The following ANO10 variants were observed in gnomAD, a reference collection of about 807,000 sequenced individuals.
ANO10 encodes anoctamin 10, also known as anoctamin-10.
Under a neutral mutation model 74.7 loss-of-function variants are expected in ANO10, and 77 were observed. The observed-to-expected ratio is 1.03, with a 90% CI of 0.86 to 1.25. ANO10 has a LOEUF of 1.25. ANO10 is among the 50% of genes most tolerant of loss of function. ANO10 has a pLI of 0.00. For missense variants in ANO10, 721 were observed against 778.1 expected (o/e 0.93, Z 0.87); for synonymous variants, 279 against 284.9 (o/e 0.98, Z 0.21).
In ANO10 at chr3:43,633,104, T is replaced by TA. The variant is rs551575692; in HGVS notation, c.-11-27242dup. 1.1e-4 allele frequency among the ~76,000 whole-genome samples: 17 copies of TA among 152,252 alleles called. No individual in the cohort carries two copies. The South Asian group carries it at 3.3e-3, about 30-fold the overall frequency. ...ATTTTTGATGTTTTCTATTTTGAAA[T>TA]AAAAAACGTAAATTTATTTTCACGT... is the stretch of plus-strand genomic sequence containing the variant. On this transcript the variant is annotated intron_variant, in intron 1 of 3. Coordinates refer to the ANO10 transcript ENST00000413397.
At chr3:43,601,230 G>C (rs2082324797) in intron 2 of ANO10, among the ~76,000 whole-genome samples, 1 of 152,132 alleles carries the variant, frequency 6.6e-6, no homozygotes, top group African/African-American at 2.4e-5. Context: ...TTTTGAGACA[G>C]GGTCTCACTC....
intron 12 of ANO10, among the ~76,000 whole-genome samples, chr3:43,397,858 C>A: frequency 6.6e-6 from 1 of 152,334 alleles, no homozygotes; most frequent in East Asian, 1.9e-4. Flanking sequence ...ATCTCTATCT[C>A]TCAGAGATCA....
At chr3:43,377,903 G>T (rs929108040) in intron 12 of ANO10, among the ~76,000 whole-genome samples, 1 of 152,178 alleles carries the variant, frequency 6.6e-6, no homozygotes, top group African/African-American at 2.4e-5. Context: ...TCTCTAAAAG[G>T]ACCCTGAACT....
chr3:43,434,751 A>G (rs1475167451), intron 11 of ANO10, among the ~76,000 whole-genome samples: 2 of 152,258 alleles, frequency 1.3e-5, no homozygotes, highest in South Asian at 2.1e-4. Context: ...AACAGGTAAC[A>G]GAACAAGTAG....
chr3:43,411,256 A>G (rs958593849), intron 12 of ANO10, among the ~76,000 whole-genome samples: 2 of 152,216 alleles, frequency 1.3e-5, no homozygotes, highest in Non-Finnish European at 2.9e-5. Flanking sequence ...ACTAAGAATC[A>G]GAGCAAGGCA....
chr3:43,455,924 C>T (rs2075104804), intron 11 of ANO10, among the ~76,000 whole-genome samples: 1 of 152,098 alleles, frequency 6.6e-6, no homozygotes, highest in South Asian at 2.1e-4. Context: ...TGCTATTCTA[C>T]AGCAAGTTCA....
At chr3:43,428,949 A>G (rs1188858223) in intron 12 of ANO10, among the ~76,000 whole-genome samples, 6 of 152,134 alleles carry the variant, frequency 3.9e-5, no homozygotes. Flanking sequence ...CACTTTGGAT[A>G]AAGGATACTC....
At chr3:43,407,411 A>T (rs1456068165) in intron 12 of ANO10, among the ~76,000 whole-genome samples, 1 of 152,188 alleles carries the variant, frequency 6.6e-6, no homozygotes, top group Non-Finnish European at 1.5e-5. Context: ...TCGCAGGTGC[A>T]CTAACCCCAA....
In ANO10 at chr3:43,549,726, T is replaced by A. The variant is rs1328950503; in HGVS notation, c.1791A>T (p.Ala597=). Residue 597 remains alanine, a synonymous_variant, in exon 11 of 13, where the codon GCA becomes GCT. Transcript: ENST00000292246. ...SKADLILIVV[A]VEHALLALKF... ...AGTTTAAATCTTTACTTACCTCCAC[T>A]GCTACTACAATCAAAATGAGGTCTG... The A allele has an allele frequency of 6.2e-7, 1 of 1,614,012 alleles. No homozygotes were observed.
At chr3:43,491,919 G>T (rs939210467) in intron 11 of ANO10, among the ~76,000 whole-genome samples, 1 of 151,958 alleles carries the variant, frequency 6.6e-6, no homozygotes, top group Non-Finnish European at 1.5e-5. Context: ...AAAACATAAA[G>T]GTTGGAAGAT....
At chr3:43,487,984 G>C (rs984434606) in intron 11 of ANO10, among the ~76,000 whole-genome samples, 1 of 152,004 alleles carries the variant, frequency 6.6e-6, no homozygotes, top group Non-Finnish European at 1.5e-5. Flanking sequence ...TAGATCAATG[G>C]AACAGAACAG....
chr3:43,543,902 C>A (rs1243857406), intron 11 of ANO10, among the ~76,000 whole-genome samples: 4 of 152,006 alleles, frequency 2.6e-5, no homozygotes, highest in East Asian at 3.9e-4. Context: ...AGAAAAAGAA[C>A]CAAATTTAGT....
At chr3:43,381,887 A>T (rs2125697167) in intron 12 of ANO10, among the ~76,000 whole-genome samples, 1 of 152,352 alleles carries the variant, frequency 6.6e-6, no homozygotes, top group South Asian at 2.1e-4. Flanking sequence ...CCACAGTGGA[A>T]TAAAACTGGA....
chr3:43,471,971 G>A (rs1474707412), intron 11 of ANO10, among the ~76,000 whole-genome samples: 3 of 125,044 alleles, frequency 2.4e-5, no homozygotes, highest in African/African-American at 9.8e-5. Context: ...AAATCACAAA[G>A]GCTGGAAAAA....
intron 1 of ANO10, among the ~76,000 whole-genome samples, chr3:43,687,229 C>T (rs569748210): frequency 1.3e-5 from 2 of 152,292 alleles, no homozygotes; most frequent in Admixed American, 1.3e-4. Context: ...GAGTTTGAGA[C>T]CGGCCTGGGC....
At chr3:43,452,526 C>A (rs187018610) in intron 11 of ANO10, among the ~76,000 whole-genome samples, 120 of 152,228 alleles carry the variant, frequency 7.9e-4, no homozygotes, top group African/African-American at 2.7e-3. Context: ...CTTTTTATTG[C>A]CTAATAATAT....
chr3:43,412,518 G>C (rs1008323765), intron 12 of ANO10, among the ~76,000 whole-genome samples: 6 of 152,222 alleles, frequency 3.9e-5, no homozygotes, highest in Admixed American at 2.6e-4. Context: ...ACCCTGCAAA[G>C]CTGTTCCCAT....
intron 1 of ANO10, among the ~76,000 whole-genome samples, chr3:43,653,586 TGA>T (rs1317713161): frequency 2.6e-5 from 4 of 152,254 alleles, no homozygotes; most frequent in Non-Finnish European, 5.9e-5. Flanking sequence ...ACAAATAATA[TGA>T]GAGATATTCA....
intron 12 of ANO10, among the ~76,000 whole-genome samples, chr3:43,406,692 T>C (rs2092582628): frequency 6.6e-6 from 1 of 152,182 alleles, no homozygotes; most frequent in East Asian, 1.9e-4. Flanking sequence ...GACTGTTTCC[T>C]TTTAGAAAGT....
Sources: allele counts gnomAD v4.1 joint callset (sites outside exome capture counted in the v4.1 genomes callset), GRCh38; gene constraint gnomAD v4.1.1; transcripts MANE v1.5; gene names NCBI Gene and HGNC (gene_info 2026-07-23, HGNC 2026-07-21).